The following NAPG variants were observed in gnomAD, a reference collection of about 807,000 sequenced individuals.
The protein encoded by NAPG is NSF attachment protein gamma, also known as gamma-soluble NSF attachment protein.
Under a neutral mutation model 48.4 loss-of-function variants are expected in NAPG, and 25 were observed. The observed-to-expected ratio is 0.52, with a 90% confidence interval of 0.38 to 0.72. The LOEUF is 0.72. Ranked by LOEUF, NAPG falls within the 30% of genes least tolerant of loss-of-function variation. The pLI is 0.00. For synonymous variants in NAPG, 139 were observed against 127.2 expected, an observed-to-expected ratio of 1.09 and a Z score of -0.62; for missense variants, 359 against 372.5, an observed-to-expected ratio of 0.96 and a Z score of 0.30.
chr18:10,532,581 T>C (rs1358344729), intron 2 of NAPG, 130 bp from the exon 3 acceptor site: 2 of 562,408 alleles, frequency 3.6e-6, no homozygotes, highest in Non-Finnish European at 5.8e-6. Flanking sequence ...TAATATTTTA[T>C]AGTTTTAGGA....
At position 10,546,878 on chromosome 18, in the gene NAPG, C is replaced by T. The variant is rs1016302580; in HGVS notation, c.585+474C>T. 2.6e-5 allele frequency among the ~76,000 whole-genome samples: 4 copies of T among 152,176 alleles called. No individual in the cohort carries two copies. Among genetic ancestry groups the T allele is most frequent in the Non-Finnish European group, 4.4e-5 (3 of 68,028 alleles). ...TGTTTTCCTCTCCTTTGGCTTTGCT[C>T]CAAGCTTGTCCCAGGCATGGAGCTA... On this transcript the variant is annotated intron_variant, in intron 9 of 11. Coordinates refer to ENST00000322897, the MANE Select transcript of NAPG (RefSeq NM_003826.3). This position sits in a 1 kb window ranked among gnomAD's most constrained non-coding sequence, Gnocchi z 4.0.
chr18:10,548,746 C>T lies in NAPG; in HGVS notation c.666-221C>T, dbSNP rs2032321401. On this transcript the variant is annotated intron_variant, in intron 10 of 11. Coordinates refer to ENST00000322897, the MANE Select transcript of NAPG (RefSeq NM_003826.3). The surrounding 1 kb of genome is among the most constrained non-coding windows in gnomAD (Gnocchi z 4.4). ...GCAGTCTTAATCTCAACACTGTTAA[C>T]ATTTGGGCTGGATAATTCTTTGTGG... Among the ~76,000 whole-genome samples the T allele has an allele frequency of 6.6e-6, 1 of 152,088 alleles. No homozygotes were observed. Among genetic ancestry groups the T allele is most frequent in the Non-Finnish European group, 1.5e-5 (1 of 68,012 alleles).
rs1230801954 is a variant in NAPG at position 10,548,267 on chromosome 18, AAATTT to A, written c.586-31_586-27del. On this transcript the variant is annotated intron_variant, in intron 9 of 11. Transcript: ENST00000322897. The surrounding 1 kb of genome is among the most constrained non-coding windows in gnomAD (Gnocchi z 4.4). ...GTTATTGACTTTATTAAACAGATGT[AAATTT>A]GACCATGATCCTCTCTTTTGTTTTA... 1 of 1,529,296 alleles carries A rather than the reference AAATTT, an allele frequency of 6.5e-7. No homozygotes were observed. The highest frequency in any genetic ancestry group is 9.1e-7 in the Non-Finnish European group (1 of 1,103,640). 94.7% of individuals were successfully genotyped at this position (1,529,296 alleles called of 1,614,324 possible).
At chr18:10,545,552 C>T (rs1254024902) in intron 8 of NAPG, among the ~76,000 whole-genome samples, 4 of 152,110 alleles carry the variant, frequency 2.6e-5, no homozygotes, top group Non-Finnish European at 5.9e-5. Context: ...TTCACTCAGT[C>T]TCAAGTTGTA....
At chr18:10,530,514 C>T (rs113983661) in intron 1 of NAPG, among the ~76,000 whole-genome samples, 71 of 152,008 alleles carry the variant, frequency 4.7e-4, no homozygotes, top group African/African-American at 1.6e-3. Flanking sequence ...CCAGTTAGTG[C>T]TGATGGTGCT....
rs963281089 is a variant in NAPG, at chr18:10,551,660, A to G, written c.*1440A>G. On this transcript the variant is annotated 3_prime_UTR_variant, in exon 12 of 12. Transcript: ENST00000322897. Reference sequence around the variant, plus strand: ...TCTGTCTCTTTTAGAGTCATACCTTATTTGAGTATAGGTTGCTTAATTTTG... The same window carrying G: ...TCTGTCTCTTTTAGAGTCATACCTTGTTTGAGTATAGGTTGCTTAATTTTG... 3.3e-5 allele frequency: 5 copies of G among 152,080 alleles called. No individual in the cohort carries two copies. The highest frequency in any genetic ancestry group is 9.7e-5 in the African/African-American group (4 of 41,400). 9.4% of individuals were successfully genotyped at this position (152,080 alleles called of 1,614,324 possible). A position where few individuals can be genotyped will look rare whatever the true frequency, so the allele number is the denominator to read the frequency against.
chr18:10,549,218 T>A, intron 11 of NAPG, 122 bp downstream of exon 11: 1 of 1,153,366 alleles, frequency 8.7e-7, no homozygotes. Context: ...CTTCTCAAGC[T>A]ACTACTCATA....
At chr18:10,526,265 G>A in intron 1 of NAPG, 107 bp downstream of exon 1, 2 of 783,826 alleles carry the variant, frequency 2.6e-6, no homozygotes, top group Non-Finnish European at 4.1e-6. Flanking sequence ...GGGCTGAGGG[G>A]CCTCGGCGCG....
At chr18:10,537,015 GGCA>G (rs2032049296) in intron 5 of NAPG, among the ~76,000 whole-genome samples, 1 of 150,216 alleles carries the variant, frequency 6.7e-6, no homozygotes, top group African/African-American at 2.5e-5. Flanking sequence ...GGATTGCAGT[GGCA>G]CAATCATGGC....
rs201676392 is a variant in NAPG, at chr18:10,547,223, T to C, written c.585+819T>C. ...CACATAGCAAAGGATTTGAATTAAG[T>C]GTAGAACTTCCATCCACCAAAAACA... On this transcript the variant is annotated intron_variant, in intron 9 of 11. Coordinates refer to ENST00000322897, the MANE Select transcript of NAPG (RefSeq NM_003826.3). Among the ~76,000 whole-genome samples the C allele has an allele frequency of 5.3e-5, 8 of 152,356 alleles. No individual in the cohort carries two copies. The East Asian group carries it at 1.5e-3, about 29-fold the overall frequency.
At position 10,548,084 on chromosome 18, in the gene NAPG, C is replaced by G. The variant is rs527769317; in HGVS notation, c.586-215C>G. ...GAAATGGGTGAATCCCAGGCTTGCC[C>G]CTAGCAGCCAAATTCCAGGACATGA... On this transcript the variant is annotated intron_variant, in intron 9 of 11. Coordinates refer to ENST00000322897, the MANE Select transcript of NAPG (RefSeq NM_003826.3). This position sits in a 1 kb window ranked among gnomAD's most constrained non-coding sequence, Gnocchi z 4.4. Among the ~76,000 whole-genome samples the G allele has an allele frequency of 6.6e-6, 1 of 152,150 alleles. No individual in the cohort carries two copies. The highest frequency in any genetic ancestry group is 1.5e-5 in the Non-Finnish European group (1 of 68,026).
chr18:10,547,162 C>T (rs1385383744), intron 9 of NAPG, among the ~76,000 whole-genome samples: 1 of 152,184 alleles, frequency 6.6e-6, no homozygotes, highest in East Asian at 1.9e-4. Flanking sequence ...GTTGCACTGC[C>T]CTCTGAAGGG....
chr18:10,539,925 A>G lies in NAPG; in HGVS notation c.368+54A>G. ...TAGAAGTCTTGTCTTTTTGTTTTAA[A>G]GAGGTCCCTGAAAAACAAGTTTTCC... On this transcript the variant is annotated intron_variant, in intron 6 of 11. Transcript: ENST00000322897. The surrounding 1 kb of genome is among the most constrained non-coding windows in gnomAD (Gnocchi z 4.7). 1 of 1,608,766 alleles carries G rather than the reference A, an allele frequency of 6.2e-7. No individual in the cohort carries two copies. The highest frequency in any genetic ancestry group is 1.7e-4 in the Middle Eastern group (1 of 6,040).
At position 10,548,552 on chromosome 18, in the gene NAPG, C is replaced by G. The variant is rs1420669957; in HGVS notation, c.665+174C>G. The stretch of plus-strand genomic sequence containing the variant: ...GGTGTTTTACACCTTTTTTTTTTTT[C>G]CCTTTCCTGTATTTTTCTCTAGGGG... On this transcript the variant is annotated intron_variant, in intron 10 of 11. Transcript: ENST00000322897. This position sits in a 1 kb window ranked among gnomAD's most constrained non-coding sequence, Gnocchi z 4.4. Among the ~76,000 whole-genome samples the G allele has an allele frequency of 6.9e-6, 1 of 145,714 alleles. No homozygotes were observed. Among genetic ancestry groups the G allele is most frequent in the Non-Finnish European group, 1.5e-5 (1 of 67,040 alleles).
Position 10,542,271 on chromosome 18 carries a change from C to G in NAPG, c.506+1872C>G, listed in dbSNP as rs2032172331. Among the ~76,000 whole-genome samples the G allele has an allele frequency of 6.6e-6, 1 of 150,478 alleles. No individual in the cohort carries two copies. Among genetic ancestry groups the G allele is most frequent in the Non-Finnish European group, 1.5e-5 (1 of 67,686 alleles). ...AGGAAAAATGTATTTTAAAATGGTA[C>G]TTTCTACTGTGCTCAACAAAAATGT... On this transcript the variant is annotated intron_variant, in intron 8 of 11. Coordinates refer to ENST00000322897, the MANE Select transcript of NAPG (RefSeq NM_003826.3). This position sits in a 1 kb window ranked among gnomAD's most constrained non-coding sequence, Gnocchi z 4.5.
At chr18:10,529,587 T>C (rs2031887391) in intron 1 of NAPG, among the ~76,000 whole-genome samples, 1 of 152,158 alleles carries the variant, frequency 6.6e-6, no homozygotes, top group African/African-American at 2.4e-5. Flanking sequence ...ACCTCTTCTC[T>C]ACTAAAAATA....
chr18:10,540,379 A>G lies in NAPG; in HGVS notation c.486A>G (p.Arg162=), dbSNP rs1158094896. The change falls in exon 8 of 12, where the codon AGA becomes AGG. Residue 162 remains arginine, a synonymous_variant. Coordinates refer to ENST00000322897, the MANE Select transcript of NAPG (RefSeq NM_003826.3). The part of the protein sequence containing the change: ...QAVELLGKAS[R]LLVRGRRFDE... The stretch of plus-strand genomic sequence containing the variant: ...TTGAATTACTAGGAAAAGCCTCCAG[A>G]CTACTAGTACGAGGACGTAGGTATG... The G allele has an allele frequency of 1.2e-6, 2 of 1,613,412 alleles. No homozygotes were observed. Among genetic ancestry groups the G allele is most frequent in the Admixed American group, 1.7e-5 (1 of 60,000 alleles).
chr18:10,534,407 G>A lies in NAPG; in HGVS notation c.228-59G>A. The A allele has an allele frequency of 3.3e-6, 5 of 1,527,964 alleles. No homozygotes were observed. The South Asian group carries it at 5.6e-5, about 17-fold the overall frequency. 94.7% of individuals were successfully genotyped at this position (1,527,964 alleles called of 1,614,324 possible). A position where few individuals can be genotyped will look rare whatever the true frequency, so the allele number is the denominator to read the frequency against. On this transcript the variant is annotated intron_variant, in intron 4 of 11. Transcript: ENST00000322897. The surrounding 1 kb of genome is among the most constrained non-coding windows in gnomAD (Gnocchi z 5.0). Reference sequence around the variant, plus strand: ...CTTACCAGTAGTTCCTCACCAGAAAGTTTCTTCTACCCCTTATTTCGTTAA... The same window carrying A: ...CTTACCAGTAGTTCCTCACCAGAAAATTTCTTCTACCCCTTATTTCGTTAA...
rs1239551513 is a variant in NAPG, at chr18:10,544,155, TATAA to T, written c.507-2168_507-2165del. ...TCTGTTATAAGCTCAGGGTCACAATTATAAATGATACAGATACATGTAGCTGTAG... is the reference window on the plus strand; with the variant it reads ...TCTGTTATAAGCTCAGGGTCACAATTATGATACAGATACATGTAGCTGTAG... On this transcript the variant is annotated intron_variant, in intron 8 of 11. Coordinates refer to ENST00000322897, the MANE Select transcript of NAPG (RefSeq NM_003826.3). The surrounding 1 kb of genome is among the most constrained non-coding windows in gnomAD (Gnocchi z 5.1). Among the ~76,000 whole-genome samples the T allele has an allele frequency of 6.6e-6, 1 of 152,212 alleles. No homozygotes were observed.
Sources: allele counts gnomAD v4.1 joint callset (sites outside exome capture counted in the v4.1 genomes callset), GRCh38; gene constraint gnomAD v4.1.1; non-coding constraint Gnocchi (gnomAD v3.1); transcripts MANE v1.5; gene names NCBI Gene and HGNC (gene_info 2026-07-23, HGNC 2026-07-21).